NRXN3: variants seen among roughly 807,000 people sequenced by gnomAD.
NRXN3 encodes the protein neurexin 3, also known as neurexin III.
NRXN3 carries 32 observed loss-of-function variants against 137.6 expected under a neutral mutation model. That is an observed-to-expected ratio of 0.23 (90% CI 0.18 to 0.31). The LOEUF (loss-of-function observed/expected upper bound fraction) is 0.31. NRXN3 is among the 10% of genes least tolerant of loss of function. The probability of loss-of-function intolerance (pLI) is 1.00; values close to 1 mark genes in which losing one functional copy is unlikely to be tolerated. For missense variants in NRXN3, 1,574 were observed against 2,062.5 expected, an observed-to-expected ratio of 0.76 and a Z score of 4.59; for synonymous variants, 798 against 784.5, an observed-to-expected ratio of 1.02 and a Z score of -0.29.
intron 4 of NRXN3, among the ~76,000 whole-genome samples, chr14:78,591,476 C>T (rs2097115625): frequency 6.6e-6 from 1 of 152,106 alleles, no homozygotes; most frequent in Non-Finnish European, 1.5e-5. Context: ...AGCCCCAGCT[C>T]AGCCCTGTGT....
chr14:78,414,179 T>C (rs2093001229), intron 4 of NRXN3, among the ~76,000 whole-genome samples: 1 of 151,778 alleles, frequency 6.6e-6, no homozygotes, highest in Non-Finnish European at 1.5e-5. Flanking sequence ...AACAGGCTAA[T>C]ACACCATCCT....
chr14:78,565,626 G>A (rs2096829246), intron 4 of NRXN3, among the ~76,000 whole-genome samples: 1 of 152,170 alleles, frequency 6.6e-6, no homozygotes, highest in Non-Finnish European at 1.5e-5. Context: ...TACCTTATAA[G>A]GTTGCTATGA....
chr14:78,586,439 C>T (rs184959158), intron 4 of NRXN3, among the ~76,000 whole-genome samples: 10 of 152,228 alleles, frequency 6.6e-5, no homozygotes, highest in Admixed American at 4.6e-4. Flanking sequence ...CCCATAAGGA[C>T]GGTAGTAGCA....
chr14:79,388,037 G>C (rs1792877758), intron 15 of NRXN3, among the ~76,000 whole-genome samples: 1 of 151,754 alleles, frequency 6.6e-6, no homozygotes, highest in Non-Finnish European at 1.5e-5. Context: ...CACCAACATG[G>C]CACATGTATA....
At chr14:78,296,609 T>C (rs2076369010) in intron 3 of NRXN3, among the ~76,000 whole-genome samples, 1 of 152,222 alleles carries the variant, frequency 6.6e-6, no homozygotes, top group Non-Finnish European at 1.5e-5. Context: ...ATCCTGGTCC[T>C]AGAGCAACAA....
chr14:78,449,186 G>GTTTCA (rs1426048762), intron 4 of NRXN3, among the ~76,000 whole-genome samples: 2 of 152,064 alleles, frequency 1.3e-5, no homozygotes, highest in East Asian at 1.9e-4. Flanking sequence ...CCTATATGGT[G>GTTTCA]TTTCATTCTC....
chr14:78,703,859 T>G (rs1459270014), intron 6 of NRXN3: 1 of 152,232 alleles, frequency 6.6e-6, no homozygotes, highest in Non-Finnish European at 1.5e-5. Context: ...TCTATGCAGA[T>G]AGTTTAAAAA....
chr14:79,847,403 A>G (rs2099380842), intron 20 of NRXN3, among the ~76,000 whole-genome samples: 1 of 152,156 alleles, frequency 6.6e-6, no homozygotes, highest in Non-Finnish European at 1.5e-5. Flanking sequence ...ATGTCTTTCC[A>G]TAAGATTGTA....
At chr14:78,460,579 A>G (rs888401356) in intron 4 of NRXN3, among the ~76,000 whole-genome samples, 3 of 152,192 alleles carry the variant, frequency 2.0e-5, no homozygotes, top group African/African-American at 7.2e-5. Flanking sequence ...GGCAAAGACC[A>G]ACAAAGACCA....
rs2097676302 is a variant in NRXN3 at position 78,645,404 on chromosome 14, A to G, written c.1042A>G (p.Thr348Ala). The change falls in exon 5 of 21, where the codon ACA becomes GCA. Residue 348 changes from threonine to alanine, a missense_variant. Transcript: ENST00000335750. ...NDNAWHDVKV[T>A]RNLRQVTISV... ...CAACGCCTGGCATGATGTCAAAGTG[A>G]CACGCAACCTCCGGCAGGTAATGGC... is the stretch of plus-strand genomic sequence containing the variant. 1 of 1,588,576 alleles carries G rather than the reference A, an allele frequency of 6.3e-7. No homozygotes were observed. The highest frequency in any genetic ancestry group is 8.5e-7 in the Non-Finnish European group (1 of 1,172,342).
At chr14:79,763,415 G>GTA (rs1235454723) in intron 19 of NRXN3, among the ~76,000 whole-genome samples, 1 of 67,122 alleles carries the variant, frequency 1.5e-5, no homozygotes, top group African/African-American at 4.5e-5. Context: ...AATCCTTTGG[G>GTA]TATACACCCA....
At chr14:78,287,803 GT>G (rs534364587) in intron 3 of NRXN3, among the ~76,000 whole-genome samples, 88 of 148,814 alleles carry the variant, frequency 5.9e-4, no homozygotes, top group African/African-American at 1.3e-3. Context: ...AACATCTCCA[GT>G]TTTTTTTTTA....
chr14:79,413,994 G>T (rs954860), intron 15 of NRXN3, among the ~76,000 whole-genome samples: 47,829 of 150,862 alleles, frequency 0.32, 8,216 homozygotes, highest in Middle Eastern at 0.54. Flanking sequence ...ATTATTCTCT[G>T]CTCTGATATT....
chr14:79,462,872 A>ATATGTACATACACATATGTATATGTG (rs1303295968), intron 15 of NRXN3, among the ~76,000 whole-genome samples: 18 of 151,828 alleles, frequency 1.2e-4, no homozygotes, highest in Non-Finnish European at 1.3e-4. Flanking sequence ...ATGTATATGT[A>ATATGTACATACACATATGTATATGTG]TATGTACATA....
At position 78,344,854 on chromosome 14, in the gene NRXN3, AG is replaced by A. The variant is rs1432490577; in HGVS notation, c.757+46999del. 2.0e-5 allele frequency among the ~76,000 whole-genome samples: 3 copies of A among 152,138 alleles called. 1 individual carries two copies. Among genetic ancestry groups the A allele is most frequent in the Admixed American group, 2.0e-4 (3 of 15,278 alleles). The stretch of plus-strand genomic sequence containing the variant: ...CATCTCAACTCTCAGATTCTTTGAA[AG>A]GGGGTTGGGAATTTGAATCCTTAGC... On this transcript the variant is annotated intron_variant, in intron 4 of 20. Coordinates refer to ENST00000335750, the MANE Select transcript of NRXN3 (RefSeq NM_001330195.2).
At chr14:79,299,548 C>T (rs970769030) in intron 15 of NRXN3, among the ~76,000 whole-genome samples, 1 of 152,068 alleles carries the variant, frequency 6.6e-6, no homozygotes, top group Non-Finnish European at 1.5e-5. Context: ...TCTGCAGACC[C>T]CTGCCCCCAG....
chr14:79,111,072 G>C (rs2053431074), intron 15 of NRXN3, among the ~76,000 whole-genome samples: 1 of 152,160 alleles, frequency 6.6e-6, no homozygotes, highest in South Asian at 2.1e-4. Context: ...GTACAGGCGT[G>C]AGCCACTGTG....
chr14:78,318,662 C>T (rs1567245401), intron 4 of NRXN3, among the ~76,000 whole-genome samples: 1 of 152,162 alleles, frequency 6.6e-6, no homozygotes, highest in Non-Finnish European at 1.5e-5. Context: ...GTTAGCTCTA[C>T]CTTGACTTGT....
At chr14:78,176,547 C>G (rs2059290024) in intron 1 of NRXN3, among the ~76,000 whole-genome samples, 1 of 151,878 alleles carries the variant, frequency 6.6e-6, no homozygotes. Flanking sequence ...AGCATGGGAC[C>G]CTTATGTTAT....
Sources: allele counts gnomAD v4.1 joint callset (sites outside exome capture counted in the v4.1 genomes callset), GRCh38; gene constraint gnomAD v4.1.1; transcripts MANE v1.5; gene names NCBI Gene and HGNC (gene_info 2026-07-23, HGNC 2026-07-21).